The following RBM33 variants were observed in gnomAD, a reference collection of about 807,000 sequenced individuals.
RBM33 encodes RNA binding motif protein 33, also known as RNA-binding protein 33.
A neutral mutation model predicts 132.6 loss-of-function variants in RBM33; 28 were observed. The ratio of observed to expected loss-of-function variants is 0.21; its 90% CI spans 0.16 to 0.29. RBM33 has a LOEUF of 0.29. Among genes scored for constraint, RBM33 ranks in the 10% least tolerant of loss-of-function variants. The probability of loss-of-function intolerance (pLI) is 1.00; values close to 1 mark genes in which losing one functional copy is unlikely to be tolerated. For synonymous variants in RBM33, 634 were observed against 593.0 expected (o/e 1.07, Z -1.01); for missense variants, 1,291 against 1,518.5 (o/e 0.85, Z 2.49).
intron 5 of RBM33, among the ~76,000 whole-genome samples, chr7:155,692,296 G>A (rs763796305): frequency 2.0e-5 from 3 of 152,114 alleles, no homozygotes; most frequent in Admixed American, 6.5e-5. Context: ...TTGAGGGAGC[G>A]TTTTGGTAAC....
At chr7:155,660,284 A>G (rs1287207907) in intron 1 of RBM33, among the ~76,000 whole-genome samples, 2 of 152,200 alleles carry the variant, frequency 1.3e-5, no homozygotes, top group Admixed American at 6.5e-5. Flanking sequence ...TATATTGCCC[A>G]GGCTGGTCTT....
At position 155,776,909 on chromosome 7, in the gene RBM33, G is replaced by A. The variant is rs189716327; in HGVS notation, c.*1868G>A. The A allele has an allele frequency of 1.2e-4, 18 of 152,342 alleles. No homozygotes were observed. The highest frequency in any genetic ancestry group is 5.2e-4 in the Admixed American group (8 of 15,306). The allele number at this position is 152,342 out of a possible 1,614,324, so 9.4% of individuals were successfully genotyped here. On this transcript the variant is annotated 3_prime_UTR_variant, in exon 18 of 18. Transcript: ENST00000401878. The surrounding 1 kb of genome is among the most constrained non-coding windows in gnomAD (Gnocchi z 4.0). Reference sequence around the variant, plus strand: ...TTTATTTGGCTCAGTCCACAGCTGCGTTGGAGTGGTGACTTTGGTAGCCCT... The same window carrying A: ...TTTATTTGGCTCAGTCCACAGCTGCATTGGAGTGGTGACTTTGGTAGCCCT...
At chr7:155,764,803 C>T (rs1802159732) in intron 15 of RBM33, among the ~76,000 whole-genome samples, 1 of 152,232 alleles carries the variant, frequency 6.6e-6, no homozygotes, top group Non-Finnish European at 1.5e-5. Context: ...CCCGCTCATT[C>T]TCCCTCGTCA....
At chr7:155,682,642 A>T (rs1488946182) in intron 5 of RBM33, among the ~76,000 whole-genome samples, 1 of 152,188 alleles carries the variant, frequency 6.6e-6, no homozygotes, top group Non-Finnish European at 1.5e-5. Flanking sequence ...GCGGACACAA[A>T]TATTGCTAAA....
chr7:155,697,954 A>G (rs1284062825), intron 5 of RBM33, among the ~76,000 whole-genome samples: 1 of 152,250 alleles, frequency 6.6e-6, no homozygotes, highest in Non-Finnish European at 1.5e-5. Context: ...AAAGATTTAC[A>G]TGCACATTTA....
chr7:155,699,088 A>G (rs1337546825), intron 5 of RBM33, among the ~76,000 whole-genome samples: 1 of 152,240 alleles, frequency 6.6e-6, no homozygotes, highest in Non-Finnish European at 1.5e-5. Flanking sequence ...AATAAGCTAT[A>G]TTAATTTCCG....
intron 14 of RBM33, among the ~76,000 whole-genome samples, chr7:155,756,165 ACT>A (rs1392343773): frequency 4.6e-5 from 7 of 152,344 alleles, no homozygotes; most frequent in African/African-American, 1.7e-4. Flanking sequence ...CACATACAAC[ACT>A]TATATGTGGA....
At chr7:155,658,060 TGAATTCTCTAAGTATTAATGTAGA>T (rs1191928619) in intron 1 of RBM33, among the ~76,000 whole-genome samples, 1 of 152,194 alleles carries the variant, frequency 6.6e-6, no homozygotes, top group Admixed American at 6.5e-5. Context: ...AGTGGGGTGT[TGAATTCTCTAAGTATTAATGTAGA>T]TCAGTCTCTT....
intron 14 of RBM33, among the ~76,000 whole-genome samples, chr7:155,747,985 C>G (rs1801570880): frequency 1.3e-5 from 2 of 152,162 alleles, no homozygotes; most frequent in South Asian, 4.1e-4. Context: ...GTTTCTGTTC[C>G]TGGCTGCTGG....
chr7:155,712,894 G>A (rs1263322387), intron 8 of RBM33, among the ~76,000 whole-genome samples: 1 of 152,244 alleles, frequency 6.6e-6, no homozygotes, highest in Non-Finnish European at 1.5e-5. Context: ...GTGACCTTGT[G>A]TATGTTTTAG....
intron 1 of RBM33, 176 bp downstream of exon 1, chr7:155,645,095 C>T: frequency 1.9e-6 from 1 of 517,016 alleles, no homozygotes; most frequent in South Asian, 2.5e-5. Context: ...TTCTCCCTTT[C>T]TCGCTCCTCC....
intron 1 of RBM33, among the ~76,000 whole-genome samples, chr7:155,646,476 C>G (rs1798197584): frequency 6.6e-6 from 1 of 152,216 alleles, no homozygotes; most frequent in African/African-American, 2.4e-5. Context: ...TCATACCAAA[C>G]TCCTTGCCAA....
chr7:155,733,750 C>A (rs1479245399), intron 9 of RBM33, among the ~76,000 whole-genome samples: 1 of 152,172 alleles, frequency 6.6e-6, no homozygotes, highest in Non-Finnish European at 1.5e-5. Context: ...GTCTGTGAGT[C>A]CTGGCAAGTA....
chr7:155,769,048 A>G (rs1480988174), intron 16 of RBM33, among the ~76,000 whole-genome samples: 3 of 152,226 alleles, frequency 2.0e-5, no homozygotes, highest in Admixed American at 6.5e-5. Context: ...GCCTCTCCAG[A>G]AAGTCCATTT....
At chr7:155,726,820 T>G (rs1800806609) in intron 9 of RBM33, among the ~76,000 whole-genome samples, 1 of 152,262 alleles carries the variant, frequency 6.6e-6, no homozygotes, top group Non-Finnish European at 1.5e-5. Flanking sequence ...CAATGCACTA[T>G]GATGGATAAA....
intron 14 of RBM33, among the ~76,000 whole-genome samples, chr7:155,761,856 G>A (rs1461377341): frequency 6.6e-6 from 1 of 152,068 alleles, no homozygotes; most frequent in Non-Finnish European, 1.5e-5. Context: ...AGCTTCTTGA[G>A]GTAGAAACTC....
At chr7:155,752,046 T>G (rs6961346) in intron 14 of RBM33, among the ~76,000 whole-genome samples, 37,993 of 152,170 alleles carry the variant, frequency 0.25, 5,163 homozygotes, top group African/African-American at 0.35. Flanking sequence ...TTATGTTGAT[T>G]TTAGAATTGT....
rs1800135731 is a variant in RBM33 at position 155,707,007 on chromosome 7, C to T, written c.887C>T (p.Thr296Ile). The change falls in exon 7 of 18, where the codon ACC becomes ATC. Residue 296 changes from threonine (T) to isoleucine (I), a missense_variant. Physicochemically the swap from Thr to Ile is moderately conservative, Grantham distance 89 (BLOSUM62 -1). This residue lies in a region of RBM33 where 146 missense variants were observed against 137.1 expected (regional missense o/e 1.07). Coordinates refer to ENST00000401878, the MANE Select transcript of RBM33 (RefSeq NM_053043.3). ...RGVGDQRRESTERGRMKDHRP... is the reference protein window; with the variant it reads ...RGVGDQRRESIERGRMKDHRP... ...GTGGGGGACCAGAGGAGAGAGAGCA[C>T]CGAGAGGGGCAGGATGAAGGACCAC... The T allele has an allele frequency of 6.3e-7, 1 of 1,584,170 alleles. No homozygotes were observed. Among genetic ancestry groups the T allele is most frequent in the Non-Finnish European group, 8.6e-7 (1 of 1,165,120 alleles).
chr7:155,727,990 G>A (rs1800841800), intron 9 of RBM33, among the ~76,000 whole-genome samples: 1 of 152,012 alleles, frequency 6.6e-6, no homozygotes, highest in African/African-American at 2.4e-5. Context: ...GGCTGGTCTC[G>A]AACTCCTGGG....
Sources: gnomAD v4.1 joint callset for allele counts (sites outside exome capture counted in the v4.1 genomes callset) on GRCh38, gnomAD v4.1.1 for gene constraint, gnomAD v4.1.1 regional missense constraint, Gnocchi (gnomAD v3.1) non-coding constraint, MANE v1.5 for transcripts, NCBI Gene and HGNC (gene_info 2026-07-23, HGNC 2026-07-21) for gene names.